SMARCC2: variants seen among roughly 807,000 people sequenced by gnomAD.
SMARCC2 encodes the protein SWI/SNF related BAF chromatin remodeling complex subunit C2.
In SMARCC2, 15 loss-of-function variants were observed where a neutral mutation model predicts 151.3. That is an observed-to-expected ratio of 0.10 (90% CI 0.07 to 0.15). The LOEUF is 0.15. Among genes scored for constraint, SMARCC2 ranks in the 10% least tolerant of loss-of-function variants. The pLI, the probability that SMARCC2 is intolerant of heterozygous loss-of-function variation, is 1.00. For missense variants in SMARCC2, 1,031 were observed against 1,599.7 expected (o/e 0.64, Z 6.06); for synonymous variants, 590 against 609.5 (o/e 0.97, Z 0.47).
Position 56,163,784 on chromosome 12 carries a change from TA to T in SMARCC2, c.3662-20del. On this transcript the variant is annotated intron_variant, in intron 28 of 28. Transcript: ENST00000550164. Reference sequence around the variant, plus strand: ...CCTGGGTCTGTGGAGAAAAGGAAGATAAATCAGTTAGAGTACGCCGGAGAGA... The same window carrying T: ...CCTGGGTCTGTGGAGAAAAGGAAGATAATCAGTTAGAGTACGCCGGAGAGA... 1 of 1,493,718 alleles carries T rather than the reference TA, an allele frequency of 6.7e-7. No individual in the cohort carries two copies. The highest frequency in any genetic ancestry group is 1.3e-5 in the South Asian group (1 of 74,516). The allele number at this position is 1,493,718 out of a possible 1,614,324, so 92.5% of individuals were successfully genotyped here.
chr12:56,168,292 A>T, intron 25 of SMARCC2, 98 bp from the exon 26 acceptor site: 1 of 1,417,378 alleles, frequency 7.1e-7, no homozygotes, highest in South Asian at 1.3e-5. Context: ...ATAAGAACAA[A>T]TTTGCTGTGG....
intron 15 of SMARCC2, among the ~76,000 whole-genome samples, chr12:56,175,664 A>G (rs1160641130): frequency 6.6e-6 from 1 of 152,180 alleles, no homozygotes; most frequent in Non-Finnish European, 1.5e-5. Flanking sequence ...TAAAGGATTC[A>G]GATCCTGGTT....
rs370615762 is a variant in SMARCC2, at chr12:56,163,803, C to T, written c.3662-38G>A. Reference sequence around the variant, plus strand: ...GGAAGATAAATCAGTTAGAGTACGCCGGAGAGATGGCTCCAGACCCAGACC... The same window carrying T: ...GGAAGATAAATCAGTTAGAGTACGCTGGAGAGATGGCTCCAGACCCAGACC... On this transcript the variant is annotated intron_variant, in intron 28 of 28. Coordinates refer to ENST00000550164, the MANE Select transcript of SMARCC2 (RefSeq NM_001330288.2). The T allele has an allele frequency of 4.6e-5, 63 of 1,375,912 alleles. No individual in the cohort carries two copies. The African/African-American group carries it at 8.4e-4, about 18-fold the overall frequency. 85.2% of individuals were successfully genotyped at this position (1,375,912 alleles called of 1,614,324 possible).
Position 56,184,948 on chromosome 12 carries a change from A to C in SMARCC2, c.400-12T>G, listed in dbSNP as rs750685787. 1.2e-6 allele frequency: 2 copies of C among 1,608,510 alleles called. No individual in the cohort carries two copies. The highest frequency in any genetic ancestry group is 8.5e-7 in the Non-Finnish European group (1 of 1,174,906). ...GACAGGCAATTATTCTGTGGAGAGA[A>C]GAAATAGAATGAGATTATAGGAAAG... On this transcript the variant is annotated splice_polypyrimidine_tract_variant and intron_variant, in intron 4 of 28. Coordinates refer to ENST00000550164, the MANE Select transcript of SMARCC2 (RefSeq NM_001330288.2).
rs549784871 is a variant in SMARCC2 at position 56,166,612 on chromosome 12, T to C, written c.2851-913A>G. ...TTTCTTCTTTTTTTTTTTTTTGAGA[T>C]AGGGTCTCACTCTGTCACCCAGGCT... On this transcript the variant is annotated intron_variant, in intron 26 of 28. Transcript: ENST00000550164. Among the ~76,000 whole-genome samples the C allele has an allele frequency of 1.2e-4, 18 of 146,936 alleles. No individual in the cohort carries two copies. The South Asian group carries it at 2.9e-3, about 23-fold the overall frequency.
intron 20 of SMARCC2, 52 bp downstream of exon 20, chr12:56,172,376 G>T (rs969539852): frequency 1.1e-5 from 16 of 1,482,370 alleles, no homozygotes; most frequent in Admixed American, 2.2e-5. Flanking sequence ...GCCTCTACAC[G>T]GAGCCCACTT....
At chr12:56,185,490 T>TG in intron 3 of SMARCC2, 1 of 166,090 alleles carries the variant, frequency 6.0e-6, no homozygotes, top group Non-Finnish European at 1.2e-5. Flanking sequence ...GCCTTTTTTT[T>TG]TTTCTTGAGA....
In SMARCC2 at chr12:56,170,139, T is replaced by C; in HGVS notation, c.2412+5A>G. 2 of 1,612,410 alleles carry C rather than the reference T, an allele frequency of 1.2e-6. No individual in the cohort carries two copies. Among genetic ancestry groups the C allele is most frequent in the South Asian group, 2.2e-5 (2 of 91,038 alleles). The stretch of plus-strand genomic sequence containing the variant: ...CCCCTGCAGCTTCCAGAAATCCCTC[T>C]ATACCTTGGGCTCCTTCTTCTCATC... On this transcript the variant is annotated splice_donor_5th_base_variant and intron_variant, in intron 23 of 28. Coordinates refer to ENST00000550164, the MANE Select transcript of SMARCC2 (RefSeq NM_001330288.2).
Position 56,165,452 on chromosome 12 carries a change from G to T in SMARCC2, c.3098C>A (p.Ala1033Asp), listed in dbSNP as rs776778840. ...SVVPAPAGSG[A>D]PPGSLGPSEQ... ...AGAAGGGCCCAAACTTCCTGGAGGG[G>T]CCCCACTGCCAGCAGGAGCAGGGAC... is the stretch of plus-strand genomic sequence containing the variant. Residue 1033 changes from alanine to aspartate, a missense_variant, in exon 27 of 29, where the codon GCC becomes GAC. Around this residue, in one of 12 missense-constraint regions of SMARCC2, gnomAD observed 310 missense variants for 350.0 expected, o/e 0.89. Transcript: ENST00000550164. 7.2e-6 allele frequency: 11 copies of T among 1,536,628 alleles called. No individual in the cohort carries two copies. The highest frequency in any genetic ancestry group is 2.0e-5 in the Admixed American group (1 of 49,288).
At position 56,171,706 on chromosome 12, in the gene SMARCC2, C is replaced by T. The variant is rs1254945525; in HGVS notation, c.2158G>A (p.Ala720Thr). 2 of 1,567,614 alleles carry T rather than the reference C, an allele frequency of 1.3e-6. No individual in the cohort carries two copies. The highest frequency in any genetic ancestry group is 1.7e-6 in the Non-Finnish European group (2 of 1,156,426). Residue 720 changes from alanine to threonine, a missense_variant, in exon 21 of 29, where the codon GCC (alanine) becomes ACC (threonine). By Grantham distance (58) the Ala-to-Thr change is moderately conservative. Coordinates refer to ENST00000550164, the MANE Select transcript of SMARCC2 (RefSeq NM_001330288.2). The surrounding 1 kb of genome is among the most constrained non-coding windows in gnomAD (Gnocchi z 4.2). ...AGGGCTGACTTTGCAGCAGCAGAGG[C>T]GACTCGGGGATCGACGACAGAGGCC... Reference protein sequence around the residue: ...FLASVVDPRVASAAAKSALEE... With the variant: ...FLASVVDPRVTSAAAKSALEE...
chr12:56,184,453 A>C, intron 5 of SMARCC2: 1 of 581,568 alleles, frequency 1.7e-6, no homozygotes. Flanking sequence ...AAATTGCCAA[A>C]AATAATCTTC....
intron 13 of SMARCC2, 63 bp downstream of exon 13, chr12:56,178,747 T>G (rs1306978787): frequency 1.9e-6 from 3 of 1,558,368 alleles, no homozygotes; most frequent in Non-Finnish European, 2.7e-6. Context: ...TTGGGCAGAA[T>G]GAACTTTATA....
chr12:56,167,916 G>C, intron 26 of SMARCC2, 144 bp downstream of exon 26: 1 of 870,148 alleles, frequency 1.1e-6, no homozygotes, highest in Non-Finnish European at 1.7e-6. Flanking sequence ...ACACACTCAG[G>C]CTTTCCCCAC....
chr12:56,172,838 C>A, intron 18 of SMARCC2, 99 bp downstream of exon 18: 1 of 1,559,340 alleles, frequency 6.4e-7, no homozygotes, highest in African/African-American at 1.4e-5. Flanking sequence ...TCCTCCCTTA[C>A]TGCTGTAGTT....
At position 56,165,553 on chromosome 12, in the gene SMARCC2, G is replaced by A. The variant is rs747831500; in HGVS notation, c.2997C>T (p.Gly999=). 177 of 1,612,664 alleles carry A rather than the reference G, an allele frequency of 1.1e-4. No individual in the cohort carries two copies. Among genetic ancestry groups the A allele is most frequent in the Non-Finnish European group, 1.4e-4 (161 of 1,179,790 alleles). Residue 999 remains glycine, a synonymous_variant, in exon 27 of 29, where the codon GGC becomes GGT. Transcript: ENST00000550164. ...QQQPPPALPP[G]SQPIPPTGAA... Reference sequence around the variant, plus strand: ...CCCCTGTTGGGGGGATAGGCTGGGAGCCTGGGGGCAGGGCTGGTGGTGGCT... The same window carrying A: ...CCCCTGTTGGGGGGATAGGCTGGGAACCTGGGGGCAGGGCTGGTGGTGGCT...
intron 7 of SMARCC2, among the ~76,000 whole-genome samples, chr12:56,182,427 C>T (rs989191412): frequency 2.6e-5 from 4 of 151,520 alleles, no homozygotes; most frequent in Admixed American, 2.0e-4. Flanking sequence ...CGGGTTCAAG[C>T]GATTCTCCTG....
intron 5 of SMARCC2, 105 bp downstream of exon 5, chr12:56,184,739 C>T: frequency 1.4e-6 from 1 of 706,066 alleles, no homozygotes; most frequent in East Asian, 2.6e-5. Context: ...GACAGAGCCA[C>T]CTCTGAAGCA....
At chr12:56,172,540 A>AG in intron 19 of SMARCC2, 45 bp downstream of exon 19, 1 of 1,613,180 alleles carries the variant, frequency 6.2e-7, no homozygotes, top group Non-Finnish European at 8.5e-7. Flanking sequence ...GTGACCTCTG[A>AG]GGAGCGAACA....
intron 6 of SMARCC2, 52 bp from the exon 7 acceptor site, chr12:56,183,982 A>C (rs1242301236): frequency 7.2e-7 from 1 of 1,396,750 alleles, no homozygotes. Context: ...GGGACACAAA[A>C]AAAATACTGT....
Sources: gnomAD v4.1 joint callset for allele counts (sites outside exome capture counted in the v4.1 genomes callset) on GRCh38, gnomAD v4.1.1 for gene constraint, gnomAD v4.1.1 regional missense constraint, Gnocchi (gnomAD v3.1) non-coding constraint, MANE v1.5 for transcripts, NCBI Gene and HGNC (gene_info 2026-07-23, HGNC 2026-07-21) for gene names.